Variants in NAXD observed in about 807,000 individuals in gnomAD.
The protein encoded by NAXD is NAD(P)HX dehydratase.
NAXD carries 22 observed loss-of-function variants against 35.8 expected under a neutral mutation model. The ratio of observed to expected loss-of-function variants is 0.62; its 90% CI spans 0.44 to 0.88. The LOEUF is 0.88. Ranked by LOEUF, NAXD falls within the 40% of genes least tolerant of loss-of-function variation. The pLI, the probability that NAXD is intolerant of heterozygous loss-of-function variation, is 0.00. For missense variants in NAXD, 428 were observed against 437.7 expected (o/e 0.98, Z 0.20); for synonymous variants, 189 against 177.6 (o/e 1.06, Z -0.51).
rs1887049593 is a variant in NAXD at position 110,638,844 on chromosome 13, A to T, written c.*316A>T. The T allele has an allele frequency of 1.3e-5, 6 of 475,058 alleles. No individual in the cohort carries two copies. The highest frequency in any genetic ancestry group is 7.9e-6 in the Non-Finnish European group (2 of 252,136). 29.4% of individuals were successfully genotyped at this position (475,058 alleles called of 1,614,324 possible). A position where few individuals can be genotyped will look rare whatever the true frequency, so the allele number is the denominator to read the frequency against. On this transcript the variant is annotated 3_prime_UTR_variant, in exon 10 of 10. Transcript: ENST00000680254. This position sits in a 1 kb window ranked among gnomAD's most constrained non-coding sequence, Gnocchi z 5.4. ...GAAGAATTCTTTAGCAGCTCAACAG[A>T]GTTTCTCGGCCTGCTCCCAGATCGG...
intron 5 of NAXD, among the ~76,000 whole-genome samples, chr13:110,632,164 GTC>G (rs1341786372): frequency 1.5e-5 from 2 of 133,434 alleles, no homozygotes; most frequent in African/African-American, 5.5e-5. Context: ...TGGGTTCGTG[GTC>G]TCTGTCTCAG....
At chr13:110,627,271 C>T (rs549310411) in intron 4 of NAXD, among the ~76,000 whole-genome samples, 168 bp from the exon 5 acceptor site, 2 of 152,324 alleles carry the variant, frequency 1.3e-5, no homozygotes, top group African/African-American at 2.4e-5. Flanking sequence ...GCGAAGGGTA[C>T]ATGGGAGCCT....
rs1382997985 is a variant in NAXD, at chr13:110,631,358, T to C, written c.442-3187T>C. 6.6e-5 allele frequency among the ~76,000 whole-genome samples: 10 copies of C among 152,342 alleles called. No individual in the cohort carries two copies. The East Asian group carries it at 1.3e-3, about 21-fold the overall frequency. On this transcript the variant is annotated intron_variant, in intron 5 of 9. Coordinates refer to ENST00000680254, the MANE Select transcript of NAXD (RefSeq NM_001242882.2). ...ATGTTAACATCAGTGGTGTCCTGAATCTATGTGTTTTGTGCACTCTTTTGG... is the reference window on the plus strand; with the variant it reads ...ATGTTAACATCAGTGGTGTCCTGAACCTATGTGTTTTGTGCACTCTTTTGG...
At position 110,639,013 on chromosome 13, in the gene NAXD, A is replaced by AG. The variant is rs1887063370; in HGVS notation, c.*488dup. On this transcript the variant is annotated 3_prime_UTR_variant, in exon 10 of 10. Transcript: ENST00000680254. ...CGACTGCACTGACTGGGTCCATCAG[A>AG]GGGCTGCTTCGTTCTCCAGCTCATC... The AG allele has an allele frequency of 3.5e-6, 1 of 289,780 alleles. No individual in the cohort carries two copies. Among genetic ancestry groups the AG allele is most frequent in the South Asian group, 3.3e-5 (1 of 30,136 alleles). 18.0% of individuals were successfully genotyped at this position (289,780 alleles called of 1,614,324 possible). A position where few individuals can be genotyped will look rare whatever the true frequency, so the allele number is the denominator to read the frequency against.
chr13:110,627,616 A>G lies in NAXD; in HGVS notation c.441+69A>G, dbSNP rs1886541418. ...TTAGGCGTGAAGTTGGAACAGAGGCATTTCTCTTGCATTTTGTGTAGTGTT... is the reference window on the plus strand; with the variant it reads ...TTAGGCGTGAAGTTGGAACAGAGGCGTTTCTCTTGCATTTTGTGTAGTGTT... On this transcript the variant is annotated intron_variant, in intron 5 of 9. Transcript: ENST00000680254. 9 of 1,057,816 alleles carry G rather than the reference A, an allele frequency of 8.5e-6. No homozygotes were observed. In the South Asian group the frequency reaches 1.2e-4, roughly 14 times the overall value. 65.5% of individuals were successfully genotyped at this position (1,057,816 alleles called of 1,614,324 possible).
chr13:110,621,269 A>G (rs938757628), intron 1 of NAXD, among the ~76,000 whole-genome samples: 1 of 152,232 alleles, frequency 6.6e-6, no homozygotes, highest in Non-Finnish European at 1.5e-5. Context: ...AAGACCTAAT[A>G]ATCCTAAAGG....
In NAXD at chr13:110,628,961, G is replaced by A. The variant is rs1886603853; in HGVS notation, c.441+1414G>A. On this transcript the variant is annotated intron_variant, in intron 5 of 9. Coordinates refer to ENST00000680254, the MANE Select transcript of NAXD (RefSeq NM_001242882.2). This position sits in a 1 kb window ranked among gnomAD's most constrained non-coding sequence, Gnocchi z 4.1. ...TGTACTGCGTGGAAGTGTGAAAGGT[G>A]GGAAGTGAGGGTGTGCGTCGCTGCC... Among the ~76,000 whole-genome samples the A allele has an allele frequency of 6.6e-6, 1 of 150,704 alleles. No individual in the cohort carries two copies. The highest frequency in any genetic ancestry group is 1.5e-5 in the Non-Finnish European group (1 of 68,038).
chr13:110,633,460 G>T (rs2986320), intron 5 of NAXD, among the ~76,000 whole-genome samples: 32,855 of 152,116 alleles, frequency 0.22, 4,292 homozygotes, highest in African/African-American at 0.37. Context: ...GCCTTGGCCA[G>T]CCCAGAAAGG....
intron 1 of NAXD, chr13:110,615,911 G>A (rs1215525018): frequency 5.9e-6 from 4 of 680,454 alleles, no homozygotes; most frequent in African/African-American, 5.6e-5. Context: ...GAACGGCGCG[G>A]CGACGGCTGG....
At chr13:110,624,871 T>G (rs939953652) in intron 3 of NAXD, among the ~76,000 whole-genome samples, 11 of 152,254 alleles carry the variant, frequency 7.2e-5, no homozygotes, top group Non-Finnish European at 1.6e-4. Context: ...TCCTGCAGTT[T>G]CCCATGAGCT....
chr13:110,626,424 G>T (rs928642393), intron 4 of NAXD, among the ~76,000 whole-genome samples: 2 of 152,044 alleles, frequency 1.3e-5, no homozygotes, highest in African/African-American at 4.8e-5. Context: ...GGTGTAGGGC[G>T]CAGTTTGGCT....
rs1026357810 is a variant in NAXD, at chr13:110,632,097, G to A, written c.442-2448G>A. ...TGAGTGTTACAGCTCTTAAGGTGGC[G>A]CGTCTGGAGTCTGTTCCTTCTGATG... On this transcript the variant is annotated intron_variant, in intron 5 of 9. Transcript: ENST00000680254. Among the ~76,000 whole-genome samples, 11 of 139,010 alleles carry A rather than the reference G, an allele frequency of 7.9e-5. 2 individuals are homozygous for A. The highest frequency in any genetic ancestry group is 6.4e-5 in the Non-Finnish European group (4 of 62,510). The allele number at this position is 139,010 out of a possible 152,430, so 91.2% of individuals were successfully genotyped here.
Position 110,628,149 on chromosome 13 carries a change from C to A in NAXD, c.441+602C>A, listed in dbSNP as rs1471398716. 6.6e-6 allele frequency among the ~76,000 whole-genome samples: 1 copy of A among 152,200 alleles called. No individual in the cohort carries two copies. Among genetic ancestry groups the A allele is most frequent in the Non-Finnish European group, 1.5e-5 (1 of 68,028 alleles). On this transcript the variant is annotated intron_variant, in intron 5 of 9. Transcript: ENST00000680254. The surrounding 1 kb of genome is among the most constrained non-coding windows in gnomAD (Gnocchi z 4.1). ...GCTGTAAATAAATACCACCTGGGAT[C>A]AGGGGCGATAAAAAGATGGGGATGG...
In NAXD at chr13:110,632,043, T is replaced by C. The variant is rs922240279; in HGVS notation, c.442-2502T>C. Reference sequence around the variant, plus strand: ...TTGGTGGGTTCTTGGTCTCACTGACTTCAAGAATGAAGCCGTGGACCCTCG... The same window carrying C: ...TTGGTGGGTTCTTGGTCTCACTGACCTCAAGAATGAAGCCGTGGACCCTCG... On this transcript the variant is annotated intron_variant, in intron 5 of 9. Coordinates refer to ENST00000680254, the MANE Select transcript of NAXD (RefSeq NM_001242882.2). 5.9e-5 allele frequency among the ~76,000 whole-genome samples: 9 copies of C among 152,228 alleles called. 3 individuals carry two copies. The highest frequency in any genetic ancestry group is 5.9e-4 in the Admixed American group (9 of 15,278).
At chr13:110,635,407 A>C in intron 7 of NAXD, 61 bp from the exon 8 acceptor site, 2 of 1,583,640 alleles carry the variant, frequency 1.3e-6, no homozygotes, top group Admixed American at 1.7e-5. Context: ...GGACAGGGCT[A>C]TCTGTCGTCG....
chr13:110,624,978 G>T (rs1001157627), intron 3 of NAXD, among the ~76,000 whole-genome samples: 3 of 152,234 alleles, frequency 2.0e-5, no homozygotes, highest in African/African-American at 7.2e-5. Context: ...CTCTGACCCT[G>T]CCTCTGCAGT....
At chr13:110,632,149 TC>T (rs111289503) in intron 5 of NAXD, among the ~76,000 whole-genome samples, 5 of 137,230 alleles carry the variant, frequency 3.6e-5, no homozygotes, top group African/African-American at 1.3e-4. Context: ...GTTTCTTCCT[TC>T]TGGTGGGTTC....
chr13:110,624,207 T>G (rs200114936), intron 2 of NAXD, 27 bp from the exon 3 acceptor site: 2 of 1,531,014 alleles, frequency 1.3e-6, no homozygotes, highest in Non-Finnish European at 1.8e-6. Context: ...TCTCAGAAGT[T>G]TTTGACTCTA....
intron 4 of NAXD, 91 bp from the exon 5 acceptor site, chr13:110,627,348 T>A (rs1886522559): frequency 1.3e-6 from 1 of 788,842 alleles, no homozygotes; most frequent in African/African-American, 1.8e-5. Flanking sequence ...ATTTATAAGT[T>A]ATTTTTTCAA....
Sources: allele counts gnomAD v4.1 joint callset (sites outside exome capture counted in the v4.1 genomes callset), GRCh38; gene constraint gnomAD v4.1.1; non-coding constraint Gnocchi (gnomAD v3.1); transcripts MANE v1.5; gene names NCBI Gene and HGNC (gene_info 2026-07-23, HGNC 2026-07-21).